Variants in UNC5D observed in about 807,000 individuals in gnomAD.
UNC5D encodes the protein unc-5 netrin receptor D.
UNC5D carries 39 observed loss-of-function variants against 105.4 expected under a neutral mutation model. That is an observed-to-expected ratio of 0.37 (90% CI 0.29 to 0.48). The LOEUF (loss-of-function observed/expected upper bound fraction) is 0.48, where lower values mean the gene tolerates loss of function less well. Among genes scored for constraint, UNC5D ranks in the 20% least tolerant of loss-of-function variants. The pLI, the probability that UNC5D is intolerant of heterozygous loss-of-function variation, is 0.98. For missense variants in UNC5D, 991 were observed against 1,202.4 expected (o/e 0.82, Z 2.60); for synonymous variants, 452 against 450.4 (o/e 1.00, Z -0.04).
intron 1 of UNC5D, chr8:35,255,228 T>A (rs1192664001): frequency 6.6e-6 from 1 of 152,200 alleles, no homozygotes; most frequent in Non-Finnish European, 1.5e-5. Flanking sequence ...TAACTGGTGC[T>A]AAGTATCTTG....
intron 11 of UNC5D, among the ~76,000 whole-genome samples, chr8:35,737,162 T>C (rs16884352): frequency 0.083 from 12,626 of 152,128 alleles, 1,487 homozygotes; most frequent in African/African-American, 0.26. Flanking sequence ...CTCTAGATTT[T>C]AATGTTTCTA....
chr8:35,701,238 C>A lies in UNC5D; in HGVS notation c.1085-4691C>A, dbSNP rs796856082. Reference sequence around the variant, plus strand: ...AACTGAATCTTAAAAATGACATAGGCCCTGGTATCAAACATATCTATGCAG... The same window carrying A: ...AACTGAATCTTAAAAATGACATAGGACCTGGTATCAAACATATCTATGCAG... On this transcript the variant is annotated intron_variant, in intron 7 of 16. Transcript: ENST00000404895. 2.0e-4 allele frequency among the ~76,000 whole-genome samples: 30 copies of A among 152,258 alleles called. 1 individual carries two copies. The highest frequency in any genetic ancestry group is 7.2e-4 in the African/African-American group (30 of 41,546).
At chr8:35,590,956 C>T (rs1227932964) in intron 3 of UNC5D, among the ~76,000 whole-genome samples, 1 of 151,988 alleles carries the variant, frequency 6.6e-6, no homozygotes, top group Non-Finnish European at 1.5e-5. Flanking sequence ...CTTCCCTGAT[C>T]CCTTAGATAG....
intron 1 of UNC5D, among the ~76,000 whole-genome samples, chr8:35,369,279 A>G (rs1802299061): frequency 6.6e-6 from 1 of 152,198 alleles, no homozygotes; most frequent in African/African-American, 2.4e-5. Flanking sequence ...TTGTCCTTGC[A>G]TCCTCACCAT....
At chr8:35,400,667 A>T (rs1804401384) in intron 1 of UNC5D, among the ~76,000 whole-genome samples, 1 of 152,200 alleles carries the variant, frequency 6.6e-6, no homozygotes, top group Non-Finnish European at 1.5e-5. Flanking sequence ...CAGAGGCATC[A>T]TCTGATAGTT....
chr8:35,744,285 C>T (rs558951229), intron 11 of UNC5D, among the ~76,000 whole-genome samples: 1 of 152,308 alleles, frequency 6.6e-6, no homozygotes, highest in African/African-American at 2.4e-5. Flanking sequence ...TTAACTTGGT[C>T]ATTCATGCTA....
At chr8:35,521,562 CAAAA>C (rs1813482058) in intron 1 of UNC5D, among the ~76,000 whole-genome samples, 1 of 151,984 alleles carries the variant, frequency 6.6e-6, no homozygotes, top group Non-Finnish European at 1.5e-5. Flanking sequence ...AAAACAAAAA[CAAAA>C]CAGGAGTCCT....
At position 35,381,118 on chromosome 8, in the gene UNC5D, A is replaced by G. The variant is rs527741562; in HGVS notation, c.103+145231A>G. 4.6e-5 allele frequency among the ~76,000 whole-genome samples: 7 copies of G among 152,224 alleles called. No individual in the cohort carries two copies. In the South Asian group the frequency reaches 1.2e-3, roughly 27 times the overall value. ...TTCTTCCAGGAAGAATTATTGATCT[A>G]GTTAAATATATAAGGCAGTCAAATT... On this transcript the variant is annotated intron_variant, in intron 1 of 16. Coordinates refer to ENST00000404895, the MANE Select transcript of UNC5D (RefSeq NM_080872.4).
rs1172741377 is a variant in UNC5D at position 35,472,622 on chromosome 8, C to T, written c.104-76670C>T. 7.2e-5 allele frequency among the ~76,000 whole-genome samples: 11 copies of T among 152,128 alleles called. 1 individual carries two copies. Among genetic ancestry groups the T allele is most frequent in the Admixed American group, 5.9e-4 (9 of 15,266 alleles). On this transcript the variant is annotated intron_variant, in intron 1 of 16. Transcript: ENST00000404895. The stretch of plus-strand genomic sequence containing the variant: ...CTGGGGGCAAAAAAATAAAATAGTG[C>T]ATGACATTTCTATCACCATAAAGCC...
intron 9 of UNC5D, among the ~76,000 whole-genome samples, chr8:35,724,946 AT>A (rs1478008306): frequency 6.6e-6 from 1 of 151,634 alleles, no homozygotes; most frequent in African/African-American, 2.4e-5. Context: ...TGGAAAAAAA[AT>A]AATAATAATC....
chr8:35,506,294 T>C (rs565692979), intron 1 of UNC5D, among the ~76,000 whole-genome samples: 9 of 152,342 alleles, frequency 5.9e-5, no homozygotes, highest in African/African-American at 2.2e-4. Flanking sequence ...TAAACACTTT[T>C]CTTCTTGGAT....
At chr8:35,752,960 C>G (rs1352831866) in intron 13 of UNC5D, among the ~76,000 whole-genome samples, 1 of 152,168 alleles carries the variant, frequency 6.6e-6, no homozygotes, top group Non-Finnish European at 1.5e-5. Context: ...GCCCTCATAA[C>G]CAGTCTGGAG....
intron 11 of UNC5D, among the ~76,000 whole-genome samples, chr8:35,739,237 T>G (rs1023177551): frequency 6.6e-6 from 1 of 152,198 alleles, no homozygotes; most frequent in Admixed American, 6.5e-5. Flanking sequence ...GAAATCATGA[T>G]GATTTCTTCA....
At chr8:35,490,594 A>G (rs562386983) in intron 1 of UNC5D, among the ~76,000 whole-genome samples, 1 of 152,276 alleles carries the variant, frequency 6.6e-6, no homozygotes, top group Admixed American at 6.5e-5. Context: ...GCTTTTATAT[A>G]TCAAACCTGA....
intron 1 of UNC5D, among the ~76,000 whole-genome samples, chr8:35,494,370 T>TA (rs1811411638): frequency 6.6e-6 from 1 of 152,176 alleles, no homozygotes; most frequent in Admixed American, 6.5e-5. Flanking sequence ...AAATTTTATT[T>TA]ACATATTAGG....
At chr8:35,351,356 C>T (rs1305405140) in intron 1 of UNC5D, among the ~76,000 whole-genome samples, 1 of 151,964 alleles carries the variant, frequency 6.6e-6, no homozygotes, top group Non-Finnish European at 1.5e-5. Flanking sequence ...TTTTTACATC[C>T]CTGACAGTAG....
chr8:35,629,756 AAAAC>A (rs1409742571), intron 4 of UNC5D, among the ~76,000 whole-genome samples: 1 of 152,236 alleles, frequency 6.6e-6, no homozygotes, highest in Non-Finnish European at 1.5e-5. Context: ...TAGTTTCACA[AAAAC>A]AAATACAATT....
At chr8:35,328,578 G>A (rs191654458) in intron 1 of UNC5D, among the ~76,000 whole-genome samples, 1 of 152,242 alleles carries the variant, frequency 6.6e-6, no homozygotes, top group Non-Finnish European at 1.5e-5. Context: ...ACATGTGTCT[G>A]TGGATCTCCT....
At chr8:35,552,127 G>A (rs2130704485) in intron 2 of UNC5D, among the ~76,000 whole-genome samples, 1 of 152,252 alleles carries the variant, frequency 6.6e-6, no homozygotes, top group Non-Finnish European at 1.5e-5. Flanking sequence ...AAAAACAAAA[G>A]TGCCCCTTTT....
Sources: gnomAD v4.1 joint callset for allele counts (sites outside exome capture counted in the v4.1 genomes callset) on GRCh38, gnomAD v4.1.1 for gene constraint, MANE v1.5 for transcripts, NCBI Gene and HGNC (gene_info 2026-07-23, HGNC 2026-07-21) for gene names.